Variants in FRMD4A observed in about 807,000 individuals in gnomAD.
The protein encoded by FRMD4A is FERM domain-containing protein 4A.
FRMD4A carries 29 observed loss-of-function variants against 129.1 expected under a neutral mutation model. That is an observed-to-expected ratio of 0.22 (90% CI 0.17 to 0.31). The LOEUF (loss-of-function observed/expected upper bound fraction) is 0.31, where lower values mean the gene tolerates loss of function less well. FRMD4A is among the 10% of genes least tolerant of loss of function. The probability of loss-of-function intolerance (pLI) is 1.00; values close to 1 mark genes in which losing one functional copy is unlikely to be tolerated. For missense variants in FRMD4A, 1,272 were observed against 1,375.8 expected (o/e 0.92, Z 1.19); for synonymous variants, 634 against 571.6 (o/e 1.11, Z -1.56).
At chr10:13,915,288 G>A (rs1319140078) in intron 2 of FRMD4A, among the ~76,000 whole-genome samples, 3 of 152,072 alleles carry the variant, frequency 2.0e-5, no homozygotes, top group East Asian at 1.9e-4. Context: ...GGGGGCTAGC[G>A]AACTGGAGCA....
At chr10:13,739,448 C>G (rs1280696100) in intron 11 of FRMD4A, among the ~76,000 whole-genome samples, 1 of 152,156 alleles carries the variant, frequency 6.6e-6, no homozygotes, top group Admixed American at 6.5e-5. Context: ...TGCAGCTGGG[C>G]CAGGTTTCCT....
At chr10:14,249,831 C>T (rs1486647097) in intron 2 of FRMD4A, among the ~76,000 whole-genome samples, 2 of 151,866 alleles carry the variant, frequency 1.3e-5, no homozygotes, top group Admixed American at 6.6e-5. Flanking sequence ...CGAGAGGTTG[C>T]GTAAAATAAT....
At position 13,935,446 on chromosome 10, in the gene FRMD4A, C is replaced by CAAAA. The variant is rs71388135; in HGVS notation, c.46-76538_46-76535dup. On this transcript the variant is annotated intron_variant, in intron 2 of 24. Transcript: ENST00000357447. The stretch of plus-strand genomic sequence containing the variant: ...GTGTGACAAGAGTGCAACTCCATCT[C>CAAAA]AAAAAAAAAAAAAAAAAAAAAAAAA... 1.0e-3 allele frequency among the ~76,000 whole-genome samples: 38 copies of CAAAA among 36,422 alleles called. 2 individuals carry two copies. The highest frequency in any genetic ancestry group is 2.8e-3 in the African/African-American group (24 of 8,474). 23.9% of individuals were successfully genotyped at this position (36,422 alleles called of 152,430 possible).
chr10:14,098,325 A>ATTCTCAACGCAACAT (rs1403228424), intron 2 of FRMD4A, among the ~76,000 whole-genome samples: 1 of 150,852 alleles, frequency 6.6e-6, no homozygotes, highest in Non-Finnish European at 1.5e-5. Flanking sequence ...TCTCTCCAAT[A>ATTCTCAACGCAACAT]TTCTCAACGC....
At chr10:13,683,332 G>A (rs1006622813) in intron 15 of FRMD4A, among the ~76,000 whole-genome samples, 2 of 151,920 alleles carry the variant, frequency 1.3e-5, no homozygotes, top group Non-Finnish European at 1.5e-5. Context: ...CACCTCTAAT[G>A]CCAGCACTTT....
At chr10:13,687,556 T>G (rs1240178008) in intron 15 of FRMD4A, among the ~76,000 whole-genome samples, 5 of 152,192 alleles carry the variant, frequency 3.3e-5, no homozygotes, top group African/African-American at 1.2e-4. Flanking sequence ...CAACATGGAT[T>G]TTGGATTCTT....
chr10:13,846,407 G>T (rs2094045934), intron 3 of FRMD4A, among the ~76,000 whole-genome samples: 1 of 152,248 alleles, frequency 6.6e-6, no homozygotes, highest in Admixed American at 6.5e-5. Context: ...ACAGGAGTCT[G>T]CTGAGATCCC....
chr10:14,040,449 C>T (rs535805009), intron 2 of FRMD4A, among the ~76,000 whole-genome samples: 2 of 152,222 alleles, frequency 1.3e-5, no homozygotes, highest in East Asian at 1.9e-4. Context: ...TGGAGAGACT[C>T]AATAATGGTA....
intron 2 of FRMD4A, among the ~76,000 whole-genome samples, chr10:14,026,240 C>G (rs1425402122): frequency 1.3e-5 from 2 of 152,204 alleles, no homozygotes; most frequent in African/African-American, 2.4e-5. Flanking sequence ...ACGGTTAAAA[C>G]TCTCCATTTT....
intron 15 of FRMD4A, chr10:13,685,263 G>C (rs564062527): frequency 4.1e-6 from 4 of 985,138 alleles, no homozygotes; most frequent in South Asian, 9.4e-5. Flanking sequence ...AGCACCTTTT[G>C]ATGGTGGCTG....
At chr10:13,764,183 C>CTGTG (rs1564761539) in intron 6 of FRMD4A, among the ~76,000 whole-genome samples, 8 of 87,294 alleles carry the variant, frequency 9.2e-5, no homozygotes, top group African/African-American at 3.0e-4. Context: ...CCAAAGATTT[C>CTGTG]CGTGTGTGTG....
intron 2 of FRMD4A, among the ~76,000 whole-genome samples, chr10:14,123,201 C>G (rs1169016273): frequency 6.6e-6 from 1 of 152,074 alleles, no homozygotes; most frequent in African/African-American, 2.4e-5. Flanking sequence ...AGGCAGTCAG[C>G]TGGAGCGAAA....
In FRMD4A at chr10:13,884,198, A is replaced by ACACGCACACTCACACACTCACT. The variant is rs2094588784; in HGVS notation, c.46-25287_46-25286insAGTGAGTGTGTGAGTGTGCGTG. Among the ~76,000 whole-genome samples, 8 of 65,194 alleles carry ACACGCACACTCACACACTCACT rather than the reference A, an allele frequency of 1.2e-4. No individual in the cohort carries two copies. In the South Asian group the frequency reaches 5.8e-3, roughly 47 times the overall value. The allele number at this position is 65,194 out of a possible 152,430, so 42.8% of individuals were successfully genotyped here. A position where few individuals can be genotyped will look rare whatever the true frequency, so the allele number is the denominator to read the frequency against. On this transcript the variant is annotated intron_variant, in intron 2 of 24. Coordinates refer to ENST00000357447, the MANE Select transcript of FRMD4A (RefSeq NM_018027.5). ...CACTCACACACACACACACACACTC[A>ACACGCACACTCACACACTCACT]CACACACACTCACACACACACACAC...
intron 2 of FRMD4A, among the ~76,000 whole-genome samples, chr10:14,068,875 T>A (rs1327717923): frequency 1.4e-5 from 2 of 142,832 alleles, no homozygotes; most frequent in South Asian, 5.0e-4. Context: ...TCTTTCTCCC[T>A]CCCTCCCTCC....
rs373760430 is a variant in FRMD4A at position 13,659,316 on chromosome 10, G to A, written c.2066+7C>T. 8 of 1,613,054 alleles carry A rather than the reference G, an allele frequency of 5.0e-6. No homozygotes were observed. The African/African-American group carries it at 1.1e-4, about 21-fold the overall frequency. ...TTGGTCTGAGCAGGAAGGCCAGGCA[G>A]ACTCACCTCGTGGAATGGACGTAGT... On this transcript the variant is annotated splice_region_variant and intron_variant, in intron 21 of 24. Transcript: ENST00000357447.
chr10:14,067,811 C>T (rs368554150), intron 2 of FRMD4A, among the ~76,000 whole-genome samples: 23 of 152,196 alleles, frequency 1.5e-4, no homozygotes, highest in African/African-American at 3.9e-4. Flanking sequence ...AGCGAGACTC[C>T]GTCTCAAAAC....
At chr10:14,076,635 G>A (rs574083753) in intron 2 of FRMD4A, among the ~76,000 whole-genome samples, 5 of 150,634 alleles carry the variant, frequency 3.3e-5, no homozygotes, top group East Asian at 1.9e-4. Context: ...GCGAGACTCC[G>A]TCTCAAAAAA....
chr10:14,175,207 T>C (rs1439806865), intron 2 of FRMD4A, among the ~76,000 whole-genome samples: 3 of 152,208 alleles, frequency 2.0e-5, no homozygotes, highest in Non-Finnish European at 4.4e-5. Flanking sequence ...TTTTGCATCA[T>C]ATATGTGACA....
In FRMD4A at chr10:13,656,899, G is replaced by C. The variant is rs529793716; in HGVS notation, c.2690C>G (p.Thr897Arg). 6.7e-7 allele frequency: 1 copy of C among 1,484,758 alleles called. No individual in the cohort carries two copies. Among genetic ancestry groups the C allele is most frequent in the African/African-American group, 1.5e-5 (1 of 68,802 alleles). 92.0% of individuals were successfully genotyped at this position (1,484,758 alleles called of 1,614,324 possible). ...CCGCAGGATCTGCGATCGCGACGGCGTCAGGCGGCCCGTGTCGCCCTCGTC... is the reference window on the plus strand; with the variant it reads ...CCGCAGGATCTGCGATCGCGACGGCCTCAGGCGGCCCGTGTCGCCCTCGTC... ...GGDEGDTGRL[T>R]PSRSQILRTP... is the part of the protein sequence containing the mutation. Residue 897 changes from threonine to arginine, a missense_variant, in exon 22 of 25, where the codon ACG becomes AGG. Physicochemically the swap from Thr to Arg is moderately conservative, Grantham distance 71. This residue lies in a region of FRMD4A where 972 missense variants were observed against 892.3 expected (regional missense o/e 1.09). Transcript: ENST00000357447.
Sources: allele counts gnomAD v4.1 joint callset (sites outside exome capture counted in the v4.1 genomes callset), GRCh38; gene constraint gnomAD v4.1.1; regional missense constraint gnomAD v4.1.1; transcripts MANE v1.5; gene names NCBI Gene and HGNC (gene_info 2026-07-23, HGNC 2026-07-21).